Variants in DHX15 observed in about 807,000 individuals in gnomAD.
DHX15 encodes the protein ATP-dependent RNA helicase DHX15.
In DHX15, 11 loss-of-function variants were observed where a neutral mutation model predicts 94.4. The ratio of observed to expected loss-of-function variants is 0.12; its 90% CI spans 0.07 to 0.19. The LOEUF is 0.19. DHX15 is among the 10% of genes least tolerant of loss of function. The probability of loss-of-function intolerance (pLI) is 1.00; values close to 1 mark genes in which losing one functional copy is unlikely to be tolerated. For missense variants in DHX15, 304 were observed against 988.5 expected (o/e 0.31, Z 9.29); for synonymous variants, 338 against 329.9 (o/e 1.02, Z -0.27).
chr4:24,584,061 G>A, intron 1 of DHX15: 2 of 506,560 alleles, frequency 3.9e-6, no homozygotes, highest in East Asian at 3.7e-5. Context: ...TCGGCCTGGG[G>A]GAGGAGGCGC....
In DHX15 at chr4:24,556,407, A is replaced by G. The variant is rs144938629; in HGVS notation, c.705T>C (p.Tyr235=). 22 of 1,611,738 alleles carry G rather than the reference A, an allele frequency of 1.4e-5. No individual in the cohort carries two copies. The highest frequency in any genetic ancestry group is 1.7e-5 in the Non-Finnish European group (20 of 1,178,780). ...CACGAAGTAACATCCCATCAGTCAT[A>G]TACCTATATTCCAAAGAACATGTTG... The part of the protein sequence containing the change: ...DCSSAKTILK[Y]MTDGMLLREA... Residue 235 remains tyrosine (Y), a synonymous_variant, in exon 4 of 14, where the codon TAT becomes TAC. Coordinates refer to ENST00000336812, the MANE Select transcript of DHX15 (RefSeq NM_001358.3).
rs1462026181 is a variant in DHX15, at chr4:24,527,713, C to G, written c.*211G>C. ...CAATAAACTGCAAAACATTGATCGA[C>G]TTTTCCAGTATGAGCTACAGTGTCA... On this transcript the variant is annotated 3_prime_UTR_variant, in exon 14 of 14. Coordinates refer to ENST00000336812, the MANE Select transcript of DHX15 (RefSeq NM_001358.3). 1 of 471,404 alleles carries G rather than the reference C, an allele frequency of 2.1e-6. No homozygotes were observed. Among genetic ancestry groups the G allele is most frequent in the Non-Finnish European group, 3.8e-6 (1 of 264,614 alleles). The allele number at this position is 471,404 out of a possible 1,614,324, so 29.2% of individuals were successfully genotyped here. A position where few individuals can be genotyped will look rare whatever the true frequency, so the allele number is the denominator to read the frequency against.
intron 9 of DHX15, among the ~76,000 whole-genome samples, chr4:24,540,625 C>A (rs55844180): frequency 6.9e-6 from 1 of 143,896 alleles, no homozygotes; most frequent in Admixed American, 6.9e-5. Flanking sequence ...TTACCCAAAC[C>A]CCCCCATAAT....
At chr4:24,567,957 G>A (rs187012204) in intron 3 of DHX15, among the ~76,000 whole-genome samples, 12 of 152,344 alleles carry the variant, frequency 7.9e-5, no homozygotes, top group African/African-American at 2.6e-4. Context: ...GACTAACAGA[G>A]TGTGCACTAA....
chr4:24,582,079 A>T (rs1722429251), intron 1 of DHX15, among the ~76,000 whole-genome samples: 1 of 152,188 alleles, frequency 6.6e-6, no homozygotes, highest in South Asian at 2.1e-4. Context: ...GGGAAAAAAA[A>T]AATCTGCAGG....
At chr4:24,544,404 A>C (rs1187861509) in intron 6 of DHX15, among the ~76,000 whole-genome samples, 1 of 152,176 alleles carries the variant, frequency 6.6e-6, no homozygotes, top group Non-Finnish European at 1.5e-5. Context: ...AATAATTTAC[A>C]AGTCAAAAAC....
chr4:24,583,679 C>T (rs2109015261), intron 1 of DHX15, among the ~76,000 whole-genome samples: 1 of 152,280 alleles, frequency 6.6e-6, no homozygotes, highest in Non-Finnish European at 1.5e-5. Context: ...ACCAGCCTTC[C>T]AGCCCATCAG....
intron 1 of DHX15, among the ~76,000 whole-genome samples, chr4:24,582,688 G>C (rs1166501182): frequency 6.6e-6 from 1 of 152,202 alleles, no homozygotes; most frequent in Non-Finnish European, 1.5e-5. Context: ...GACAAAGGCA[G>C]GGTTCCAGAT....
At chr4:24,569,363 C>T (rs943680441) in intron 3 of DHX15, among the ~76,000 whole-genome samples, 9 of 151,910 alleles carry the variant, frequency 5.9e-5, no homozygotes, top group Admixed American at 4.6e-4. Flanking sequence ...GAGGCTGAGG[C>T]GGGCGGATCA....
chr4:24,548,818 T>C, intron 6 of DHX15, 37 bp downstream of exon 6: 1 of 1,569,124 alleles, frequency 6.4e-7, no homozygotes, highest in Non-Finnish European at 8.7e-7. Flanking sequence ...TAAATCATTA[T>C]TAGTGAAATA....
rs186517222 is a variant in DHX15, at chr4:24,540,672, C to T, written c.1594+168G>A. On this transcript the variant is annotated intron_variant, in intron 9 of 13. Coordinates refer to ENST00000336812, the MANE Select transcript of DHX15 (RefSeq NM_001358.3). ...AAAAAAAAAAAATGTGCTCATATAA[C>T]TGTCACCTTTTTTAGTTTTAATGCT... 4.0e-5 allele frequency among the ~76,000 whole-genome samples: 6 copies of T among 151,694 alleles called. No homozygotes were observed. The East Asian group carries it at 1.2e-3, about 29-fold the overall frequency.
In DHX15 at chr4:24,547,943, CTA is replaced by C. The variant is rs757091144; in HGVS notation, c.1248+910_1248+911del. On this transcript the variant is annotated intron_variant, in intron 6 of 13. Transcript: ENST00000336812. ...TATATATATATATATATATATATAT[CTA>C]TATCTATATCTATATCTATCTGCTG... is the stretch of plus-strand genomic sequence containing the variant. 1.3e-3 allele frequency among the ~76,000 whole-genome samples: 95 copies of C among 72,134 alleles called. 3 individuals are homozygous for C. The highest frequency in any genetic ancestry group is 6.3e-3 in the Middle Eastern group (1 of 160). The allele number at this position is 72,134 out of a possible 152,430, so 47.3% of individuals were successfully genotyped here.
chr4:24,560,645 G>GGATAGA (rs1721854469), intron 3 of DHX15, among the ~76,000 whole-genome samples: 2 of 152,116 alleles, frequency 1.3e-5, no homozygotes. Context: ...TATGGGCAAA[G>GGATAGA]CATATGATGA....
intron 5 of DHX15, among the ~76,000 whole-genome samples, chr4:24,552,946 A>G (rs1225922683): frequency 1.3e-5 from 2 of 152,264 alleles, no homozygotes; most frequent in Non-Finnish European, 2.9e-5. Flanking sequence ...GTCCTTAACC[A>G]TGAGGCCATT....
chr4:24,546,941 A>T (rs932683229), intron 6 of DHX15, among the ~76,000 whole-genome samples: 4 of 143,278 alleles, frequency 2.8e-5, no homozygotes, highest in African/African-American at 1.0e-4. Context: ...AATTAGACAC[A>T]AACAGTAAGT....
At chr4:24,546,035 A>G (rs1197899548) in intron 6 of DHX15, among the ~76,000 whole-genome samples, 2 of 152,124 alleles carry the variant, frequency 1.3e-5, no homozygotes, top group South Asian at 2.1e-4. Context: ...TCCGCCCCCA[A>G]TAACTCCACT....
chr4:24,550,112 A>AAAAAAAAAC (rs1721558931), intron 5 of DHX15, among the ~76,000 whole-genome samples: 2 of 142,984 alleles, frequency 1.4e-5, no homozygotes, highest in East Asian at 4.0e-4. Context: ...AAAAAAAAAA[A>AAAAAAAAAC]AAAAAAAAAA....
At chr4:24,547,093 G>A (rs1425445164) in intron 6 of DHX15, among the ~76,000 whole-genome samples, 4 of 152,164 alleles carry the variant, frequency 2.6e-5, no homozygotes, top group Admixed American at 1.3e-4. Context: ...CAACTGCCAA[G>A]GAAGTCTTCC....
At chr4:24,544,582 C>T (rs1344903295) in intron 6 of DHX15, among the ~76,000 whole-genome samples, 1 of 152,134 alleles carries the variant, frequency 6.6e-6, no homozygotes, top group African/African-American at 2.4e-5. Flanking sequence ...ACAGGTGAAA[C>T]TTGAATAAGC....
Sources: gnomAD v4.1 joint callset for allele counts (sites outside exome capture counted in the v4.1 genomes callset) on GRCh38, gnomAD v4.1.1 for gene constraint, MANE v1.5 for transcripts, NCBI Gene and HGNC (gene_info 2026-07-23, HGNC 2026-07-21) for gene names.